CSMD1: variants seen among roughly 807,000 people sequenced by gnomAD.
The protein encoded by CSMD1 is CUB and Sushi multiple domains 1.
CSMD1 carries 213 observed loss-of-function variants against 417.5 expected under a neutral mutation model. The ratio of observed to expected loss-of-function variants is 0.51; its 90% confidence interval spans 0.46 to 0.57. CSMD1 has a LOEUF of 0.57. CSMD1 is among the 20% of genes least tolerant of loss of function. The probability of loss-of-function intolerance (pLI) is 0.00; values close to 1 mark genes in which losing one functional copy is unlikely to be tolerated. For missense variants in CSMD1, 6,923 were observed against 4,529.7 expected (o/e 1.53, Z -15.17); for synonymous variants, 2,862 against 1,736.8 (o/e 1.65, Z -16.11).
chr8:3,586,507 A>G (rs571632276), intron 8 of CSMD1, among the ~76,000 whole-genome samples: 1 of 152,302 alleles, frequency 6.6e-6, no homozygotes, highest in Admixed American at 6.5e-5. Context: ...CATGAACCTT[A>G]ACTTGTCATG....
At chr8:3,718,628 T>C (rs895081758) in intron 6 of CSMD1, among the ~76,000 whole-genome samples, 45 of 152,178 alleles carry the variant, frequency 3.0e-4, no homozygotes, top group African/African-American at 8.7e-4. Flanking sequence ...ACATGAATCA[T>C]TGTGTCAAGG....
intron 55 of CSMD1, among the ~76,000 whole-genome samples, chr8:2,976,966 C>T (rs1215862046): frequency 6.6e-6 from 1 of 151,332 alleles, no homozygotes; most frequent in Middle Eastern, 3.2e-3. Flanking sequence ...CCCAGAAGAA[C>T]ACATCCATTT....
At chr8:3,269,894 C>G (rs13265444) in intron 26 of CSMD1, among the ~76,000 whole-genome samples, 40,677 of 151,878 alleles carry the variant, frequency 0.27, 5,672 homozygotes, top group African/African-American at 0.34. Flanking sequence ...TCTAAAGCTC[C>G]TTTTTCTAGT....
chr8:4,607,570 A>C (rs1241750691), intron 2 of CSMD1, among the ~76,000 whole-genome samples: 1 of 152,174 alleles, frequency 6.6e-6, no homozygotes, highest in Non-Finnish European at 1.5e-5. Context: ...ACCTCATTAA[A>C]TGCTCATTAG....
chr8:3,263,495 T>C (rs910776001), intron 26 of CSMD1, among the ~76,000 whole-genome samples: 2 of 152,216 alleles, frequency 1.3e-5, no homozygotes, highest in African/African-American at 4.8e-5. Flanking sequence ...AAGAGCCTTA[T>C]AATCAGTTAT....
At chr8:4,876,632 T>C (rs1172970101) in intron 1 of CSMD1, among the ~76,000 whole-genome samples, 1 of 152,092 alleles carries the variant, frequency 6.6e-6, no homozygotes, top group Admixed American at 6.5e-5. Flanking sequence ...CAATAGGTTA[T>C]TTAGGAAAAG....
chr8:4,118,108 C>A (rs1802265489), intron 3 of CSMD1, among the ~76,000 whole-genome samples: 2 of 151,874 alleles, frequency 1.3e-5, no homozygotes, highest in Admixed American at 1.3e-4. Context: ...TGTGTGTTTG[C>A]AGGTGTACAG....
chr8:3,440,206 TTATAACAGGTGCATTAAACTGTATA>T (rs144418093), intron 12 of CSMD1, among the ~76,000 whole-genome samples: 19,106 of 152,190 alleles, frequency 0.13, 1,267 homozygotes, highest in African/African-American at 0.16. Context: ...GCTGAGATTC[TTATAACAGGTGCATTAAACTGTATA>T]TCAATTTGGG....
chr8:3,565,970 C>T (rs1204011319), intron 10 of CSMD1, among the ~76,000 whole-genome samples: 3 of 152,176 alleles, frequency 2.0e-5, no homozygotes, highest in Admixed American at 6.5e-5. Flanking sequence ...CATTCTCATG[C>T]CATTCCTTTC....
chr8:3,803,803 A>G (rs886904595), intron 5 of CSMD1, among the ~76,000 whole-genome samples: 6 of 152,212 alleles, frequency 3.9e-5, no homozygotes, highest in African/African-American at 7.2e-5. Context: ...TCTGCCTACT[A>G]TGTGGAGAAT....
chr8:4,138,658 G>C (rs944276583), intron 3 of CSMD1, among the ~76,000 whole-genome samples: 2 of 152,056 alleles, frequency 1.3e-5, no homozygotes, highest in Non-Finnish European at 2.9e-5. Context: ...ACTTTTCAAA[G>C]TATTATTTCT....
intron 12 of CSMD1, among the ~76,000 whole-genome samples, chr8:3,439,853 G>C (rs1220351851): frequency 6.6e-6 from 1 of 152,114 alleles, no homozygotes; most frequent in African/African-American, 2.4e-5. Context: ...GATTCACATG[G>C]AGGCACATTT....
chr8:4,867,314 T>A (rs953704277), intron 1 of CSMD1, among the ~76,000 whole-genome samples: 1 of 152,072 alleles, frequency 6.6e-6, no homozygotes, highest in African/African-American at 2.4e-5. Context: ...GCCCCACTGT[T>A]TATATCTTGT....
intron 2 of CSMD1, among the ~76,000 whole-genome samples, chr8:4,423,913 C>T (rs1797399479): frequency 6.6e-6 from 1 of 151,918 alleles, no homozygotes; most frequent in Non-Finnish European, 1.5e-5. Context: ...CAAAAATAAA[C>T]CTGAACAAAT....
intron 5 of CSMD1, among the ~76,000 whole-genome samples, chr8:3,811,113 G>C (rs953222765): frequency 2.6e-5 from 4 of 152,242 alleles, no homozygotes; most frequent in South Asian, 2.1e-4. Context: ...TGACTCCTCT[G>C]TGTGTACCTA....
intron 2 of CSMD1, among the ~76,000 whole-genome samples, chr8:4,432,565 A>C (rs1265038165): frequency 6.6e-6 from 1 of 152,174 alleles, no homozygotes; most frequent in Non-Finnish European, 1.5e-5. Flanking sequence ...CACCCTTATG[A>C]CTTAAAGACA....
At chr8:4,105,102 T>C (rs542008383) in intron 3 of CSMD1, among the ~76,000 whole-genome samples, 35 of 152,328 alleles carry the variant, frequency 2.3e-4, no homozygotes, top group African/African-American at 7.9e-4. Flanking sequence ...AGGGTTTTAA[T>C]GTGTCCTTAG....
chr8:4,375,117 G>A (rs1035181948), intron 3 of CSMD1, among the ~76,000 whole-genome samples: 5 of 152,080 alleles, frequency 3.3e-5, no homozygotes, highest in African/African-American at 1.2e-4. Context: ...GAAGAACGAA[G>A]TCAAAAATGG....
At chr8:3,376,105 A>C (rs10097942) in intron 18 of CSMD1, among the ~76,000 whole-genome samples, 3,162 of 152,260 alleles carry the variant, frequency 0.021, 114 homozygotes, top group African/African-American at 0.072. Context: ...TAGATTTTAA[A>C]CTTCTGTGTG....
Sources: gnomAD v4.1 joint callset for allele counts (sites outside exome capture counted in the v4.1 genomes callset) on GRCh38, gnomAD v4.1.1 for gene constraint, MANE v1.5 for transcripts, NCBI Gene and HGNC (gene_info 2026-07-23, HGNC 2026-07-21) for gene names.